SGCG: variants seen among roughly 807,000 people sequenced by gnomAD.
SGCG encodes the protein sarcoglycan gamma.
SGCG carries 26 observed loss-of-function variants against 29.3 expected under a neutral mutation model. That is an observed-to-expected ratio of 0.89 (90% CI 0.65 to 1.23). The LOEUF is 1.23. SGCG is among the 50% of genes most tolerant of loss of function. The pLI is 0.00. For synonymous variants in SGCG, 145 were observed against 129.7 expected (o/e 1.12, Z -0.80); for missense variants, 353 against 356.0 (o/e 0.99, Z 0.07).
At chr13:23,271,281 T>G (rs1880867856) in intron 4 of SGCG, among the ~76,000 whole-genome samples, 1 of 152,214 alleles carries the variant, frequency 6.6e-6, no homozygotes, top group African/African-American at 2.4e-5. Context: ...TTTCCATGTC[T>G]ATCAGAGTCT....
chr13:23,288,703 A>C (rs2137633123), intron 5 of SGCG, among the ~76,000 whole-genome samples: 1 of 152,320 alleles, frequency 6.6e-6, no homozygotes, highest in South Asian at 2.1e-4. Flanking sequence ...TACAGAACAT[A>C]CTATTGGAAT....
intron 6 of SGCG, among the ~76,000 whole-genome samples, chr13:23,316,654 G>A (rs965271965): frequency 2.0e-5 from 3 of 152,156 alleles, no homozygotes; most frequent in Non-Finnish European, 2.9e-5. Context: ...GGGTGGAAGT[G>A]GAAGTGGCAC....
chr13:23,198,321 CTA>C (rs1468306579), intron 1 of SGCG, among the ~76,000 whole-genome samples: 1 of 152,160 alleles, frequency 6.6e-6, no homozygotes, highest in Non-Finnish European at 1.5e-5. Flanking sequence ...CATGAAGACA[CTA>C]TGTTCGATTC....
At chr13:23,296,469 C>G (rs914553220) in intron 6 of SGCG, among the ~76,000 whole-genome samples, 55 of 152,198 alleles carry the variant, frequency 3.6e-4, no homozygotes, top group African/African-American at 1.2e-3. Context: ...TTTTAGTGTA[C>G]AGTTCAGTAG....
chr13:23,275,245 TGGC>T (rs936207412), intron 4 of SGCG, among the ~76,000 whole-genome samples: 2 of 151,718 alleles, frequency 1.3e-5, no homozygotes, highest in Non-Finnish European at 2.9e-5. Flanking sequence ...CTGGGTGCAG[TGGC>T]TCATGCCTGT....
chr13:23,259,370 T>C (rs1880333640), intron 4 of SGCG, among the ~76,000 whole-genome samples: 1 of 152,208 alleles, frequency 6.6e-6, no homozygotes, highest in African/African-American at 2.4e-5. Flanking sequence ...TTTGTATTTC[T>C]GTGGGATCGG....
In SGCG at chr13:23,249,402, G is replaced by A. The variant is rs113097525; in HGVS notation, c.298-1228G>A. On this transcript the variant is annotated intron_variant, in intron 3 of 7. Transcript: ENST00000218867. ...TTCGCTTCACTTAAATTTTAGAAAG[G>A]CAGCTATTTCTACCTTTAAAGCTCA... 1.8e-3 allele frequency among the ~76,000 whole-genome samples: 277 copies of A among 152,270 alleles called. 1 individual carries two copies. Among genetic ancestry groups the A allele is most frequent in the African/African-American group, 6.2e-3 (258 of 41,540 alleles).
At chr13:23,175,532 G>A in the SGCG span, among the ~76,000 whole-genome samples, 4 of 152,150 alleles carry the variant, frequency 2.6e-5, no homozygotes, top group Admixed American at 2.0e-4. Flanking sequence ...TCAAGGTCAT[G>A]AGTTCATGGA....
chr13:23,309,484 T>C (rs1277222362), intron 6 of SGCG, among the ~76,000 whole-genome samples: 2 of 152,224 alleles, frequency 1.3e-5, no homozygotes, highest in Admixed American at 6.5e-5. Flanking sequence ...AGAGTCATCC[T>C]TTTTATTATT....
At chr13:23,299,452 A>ATTTTTTTTT (rs1433429984) in intron 6 of SGCG, among the ~76,000 whole-genome samples, 9 of 43,438 alleles carry the variant, frequency 2.1e-4, no homozygotes, top group Non-Finnish European at 4.1e-4. Context: ...ATATATATAT[A>ATTTTTTTTT]TATATTTTTT....
chr13:23,307,148 C>T (rs482230), intron 6 of SGCG, among the ~76,000 whole-genome samples: 5,340 of 152,194 alleles, frequency 0.035, 274 homozygotes, highest in African/African-American at 0.11. Context: ...GTTACTGAAA[C>T]AGAGGTATTA....
chr13:23,261,099 G>A (rs1430747462), intron 4 of SGCG, among the ~76,000 whole-genome samples: 2 of 152,060 alleles, frequency 1.3e-5, no homozygotes, highest in Non-Finnish European at 2.9e-5. Flanking sequence ...CTAGGCTGGG[G>A]AAGTTCTGCT....
intron 6 of SGCG, among the ~76,000 whole-genome samples, chr13:23,299,255 C>G (rs796559863): frequency 2.0e-5 from 3 of 150,776 alleles, no homozygotes; most frequent in African/African-American, 7.3e-5. Flanking sequence ...TTGATTTACA[C>G]TGAGATGCCT....
intron 7 of SGCG, 114 bp from the exon 8 acceptor site, chr13:23,324,254 A>G (rs1883147756): frequency 2.1e-6 from 2 of 939,890 alleles, no homozygotes; most frequent in South Asian, 2.7e-5. Context: ...TCAGGTGCCT[A>G]TTTTGTTTTC....
chr13:23,317,536 C>CT (rs140722526), intron 6 of SGCG, among the ~76,000 whole-genome samples: 11,728 of 151,976 alleles, frequency 0.077, 659 homozygotes, highest in Non-Finnish European at 0.12. Flanking sequence ...GTATTTTCTC[C>CT]TTTTTTTTGC....
Position 23,307,649 on chromosome 13 carries a change from T to G in SGCG, c.578+12162T>G, listed in dbSNP as rs528965644. Among the ~76,000 whole-genome samples, 78 of 152,230 alleles carry G rather than the reference T, an allele frequency of 5.1e-4. No individual in the cohort carries two copies. In the South Asian group the frequency reaches 0.014, roughly 27 times the overall value. On this transcript the variant is annotated intron_variant, in intron 6 of 7. Transcript: ENST00000218867. Reference sequence around the variant, plus strand: ...AGGTGATTCAATTCAAAGAAAATATTAGAAGTCAGTACAGATGCATGGGAG... The same window carrying G: ...AGGTGATTCAATTCAAAGAAAATATGAGAAGTCAGTACAGATGCATGGGAG...
chr13:23,197,988 A>G (rs1877579620), intron 1 of SGCG, among the ~76,000 whole-genome samples: 1 of 152,222 alleles, frequency 6.6e-6, no homozygotes, highest in South Asian at 2.1e-4. Flanking sequence ...AGCTTTGTAG[A>G]TACGTGTTGA....
chr13:23,237,409 C>G (rs1001384456), intron 3 of SGCG, among the ~76,000 whole-genome samples: 2 of 152,166 alleles, frequency 1.3e-5, no homozygotes, highest in African/African-American at 2.4e-5. Context: ...TAGCTTACAG[C>G]CAAAGCCCAC....
At chr13:23,264,661 A>G (rs1030726520) in intron 4 of SGCG, among the ~76,000 whole-genome samples, 1 of 152,202 alleles carries the variant, frequency 6.6e-6, no homozygotes, top group African/African-American at 2.4e-5. Flanking sequence ...ATATCACATT[A>G]CCGGACTTCA....
Sources: allele counts gnomAD v4.1 joint callset (sites outside exome capture counted in the v4.1 genomes callset), GRCh38; gene constraint gnomAD v4.1.1; transcripts MANE v1.5; gene names NCBI Gene and HGNC (gene_info 2026-07-23, HGNC 2026-07-21).